The following ORC2 variants were observed in gnomAD, a reference collection of about 807,000 sequenced individuals.
The protein encoded by ORC2 is origin recognition complex protein 2 homolog.
ORC2 carries 37 observed loss-of-function variants against 77.7 expected under a neutral mutation model. The ratio of observed to expected loss-of-function variants is 0.48; its 90% CI spans 0.37 to 0.63. ORC2 has a LOEUF of 0.63. Ranked by LOEUF, ORC2 falls within the 20% of genes least tolerant of loss-of-function variation. The pLI is 0.00. For synonymous variants in ORC2, 201 were observed against 229.5 expected, an observed-to-expected ratio of 0.88 and a Z score of 1.12; for missense variants, 557 against 661.9, an observed-to-expected ratio of 0.84 and a Z score of 1.74.
At chr2:200,926,725 C>A in intron 12 of ORC2, 43 bp downstream of exon 12, 1 of 1,597,160 alleles carries the variant, frequency 6.3e-7, no homozygotes, top group Non-Finnish European at 8.6e-7. Flanking sequence ...CTTGAATTGG[C>A]AGAGGATATA....
In ORC2 at chr2:200,909,382, T is replaced by C. The variant is rs2040515175; in HGVS notation, c.*1919A>G. 6.6e-6 allele frequency: 1 copy of C among 152,170 alleles called. No individual in the cohort carries two copies. The highest frequency in any genetic ancestry group is 1.9e-4 in the East Asian group (1 of 5,196). The allele number at this position is 152,170 out of a possible 1,614,324, so 9.4% of individuals were successfully genotyped here. A position where few individuals can be genotyped will look rare whatever the true frequency, so the allele number is the denominator to read the frequency against. ...TTTAAATCACATTTATGTACAAATT[T>C]GTTTAAACATTTTGACTAGAGGTTA... On this transcript the variant is annotated 3_prime_UTR_variant, in exon 18 of 18. Transcript: ENST00000234296.
intron 5 of ORC2, among the ~76,000 whole-genome samples, chr2:200,946,452 C>T (rs2041251414): frequency 6.6e-6 from 1 of 152,158 alleles, no homozygotes; most frequent in South Asian, 2.1e-4. Context: ...CATAACTAAA[C>T]AAAGATTATA....
chr2:200,950,787 C>T (rs79925773), intron 4 of ORC2, among the ~76,000 whole-genome samples: 1,840 of 152,118 alleles, frequency 0.012, 22 homozygotes, highest in Middle Eastern at 0.024. Flanking sequence ...AAAGTGTGTG[C>T]TCATCCTCCT....
In ORC2 at chr2:200,963,575, TTCGGCCC is replaced by T. The variant is rs1418187242; in HGVS notation, c.-152_-146del. On this transcript the variant is annotated 5_prime_UTR_variant, in exon 1 of 18. Transcript: ENST00000234296. ...GAGTCGCCGCCGCAGGGAAGGTACC[TTCGGCCC>T]CAACGGGAAAAGCCAATTTCCAGTA... The T allele has an allele frequency of 1.5e-5, 6 of 398,440 alleles. No homozygotes were observed. Among genetic ancestry groups the T allele is most frequent in the African/African-American group, 8.2e-5 (4 of 48,644 alleles). 24.7% of individuals were successfully genotyped at this position (398,440 alleles called of 1,614,324 possible).
intron 12 of ORC2, among the ~76,000 whole-genome samples, chr2:200,926,540 A>G (rs979465626): frequency 3.3e-5 from 5 of 152,230 alleles, no homozygotes; most frequent in African/African-American, 9.6e-5. Flanking sequence ...TATAGTAAAC[A>G]AAGCTAACAT....
At chr2:200,918,426 T>C (rs2040695746) in intron 15 of ORC2, among the ~76,000 whole-genome samples, 1 of 150,404 alleles carries the variant, frequency 6.6e-6, no homozygotes, top group Non-Finnish European at 1.5e-5. Flanking sequence ...CATTGCTCTT[T>C]AAAAACAAAA....
At chr2:200,961,103 C>T (rs1057464767) in intron 1 of ORC2, among the ~76,000 whole-genome samples, 7 of 152,204 alleles carry the variant, frequency 4.6e-5, no homozygotes, top group African/African-American at 1.4e-4. Flanking sequence ...CACTCTATTA[C>T]ACCACATACC....
chr2:200,918,679 GGGTTTCAGCATGTTGACCA>G (rs1201147810), intron 15 of ORC2, among the ~76,000 whole-genome samples: 2 of 151,938 alleles, frequency 1.3e-5, no homozygotes, highest in Non-Finnish European at 2.9e-5. Flanking sequence ...AGTAGAGACA[GGGTTTCAGCATGTTGACCA>G]GGATAGTCTC....
intron 15 of ORC2, among the ~76,000 whole-genome samples, chr2:200,919,867 CATATAAAGTACT>C (rs2040726180): frequency 6.6e-6 from 1 of 152,060 alleles, no homozygotes; most frequent in Admixed American, 6.6e-5. Context: ...TGAAGTAATG[CATATAAAGTACT>C]CACTGTTTGG....
At chr2:200,938,127 C>A (rs1014574191) in intron 7 of ORC2, among the ~76,000 whole-genome samples, 161 bp from the exon 8 acceptor site, 3 of 152,156 alleles carry the variant, frequency 2.0e-5, no homozygotes, top group African/African-American at 7.2e-5. Flanking sequence ...CAAATGGGTT[C>A]AAACCATTCT....
intron 14 of ORC2, 81 bp from the exon 15 acceptor site, chr2:200,920,474 G>A (rs1264135257): frequency 2.6e-6 from 3 of 1,147,094 alleles, no homozygotes; most frequent in Non-Finnish European, 3.5e-6. Flanking sequence ...ACAAAAGAAT[G>A]AGAAAGGATT....
rs777569351 is a variant in ORC2, at chr2:200,935,908, T to C, written c.515-16A>G. On this transcript the variant is annotated splice_polypyrimidine_tract_variant and intron_variant, in intron 8 of 17. Coordinates refer to ENST00000234296, the MANE Select transcript of ORC2 (RefSeq NM_006190.5). Reference sequence around the variant, plus strand: ...GACCTTGGAACTGTGGGGGGAAAAATAGCAATTTGGACAATTTCATGGTTT... The same window carrying C: ...GACCTTGGAACTGTGGGGGGAAAAACAGCAATTTGGACAATTTCATGGTTT... The C allele has an allele frequency of 2.1e-5, 34 of 1,605,776 alleles. No homozygotes were observed. The Admixed American group carries it at 2.6e-4, about 12-fold the overall frequency.
chr2:200,950,161 C>A (rs543508836), intron 4 of ORC2, among the ~76,000 whole-genome samples: 1 of 152,192 alleles, frequency 6.6e-6, no homozygotes, highest in South Asian at 2.1e-4. Flanking sequence ...GAAACCTCGT[C>A]TCTACTGAAA....
intron 5 of ORC2, among the ~76,000 whole-genome samples, chr2:200,946,020 T>G (rs567079995): frequency 5.0e-4 from 76 of 152,296 alleles, no homozygotes; most frequent in Non-Finnish European, 9.1e-4. Flanking sequence ...GTACTTCTAC[T>G]TTTGCTCTTT....
At chr2:200,936,895 A>T (rs2041057196) in intron 8 of ORC2, among the ~76,000 whole-genome samples, 2 of 152,212 alleles carry the variant, frequency 1.3e-5, no homozygotes, top group Admixed American at 1.3e-4. Context: ...CCAAAATATG[A>T]GTGAAAAAAC....
At chr2:200,957,312 T>C (rs1255922573) in intron 4 of ORC2, 89 bp downstream of exon 4, 1 of 903,050 alleles carries the variant, frequency 1.1e-6, no homozygotes, top group Non-Finnish European at 1.6e-6. Context: ...AGAACACCAC[T>C]GTTTAACCTA....
rs540145949 is a variant in ORC2, at chr2:200,915,877, T to C, written c.1467-1885A>G. Among the ~76,000 whole-genome samples the C allele has an allele frequency of 3.3e-5, 5 of 152,144 alleles. No homozygotes were observed. In the South Asian group the frequency reaches 1.0e-3, roughly 32 times the overall value. ...CCCAGCTAATTTTTTATATTTTTAG[T>C]AGACACAACGTTTTACCATGTTGGC... On this transcript the variant is annotated intron_variant, in intron 15 of 17. Transcript: ENST00000234296.
chr2:200,958,129 C>T lies in ORC2; in HGVS notation c.-6G>A. 1 of 1,594,842 alleles carries T rather than the reference C, an allele frequency of 6.3e-7. No individual in the cohort carries two copies. Among genetic ancestry groups the T allele is most frequent in the South Asian group, 1.1e-5 (1 of 90,392 alleles). ...TTTAATTCTGGTTTACTCATTGTTG[C>T]CAACCTAAACAAAAACAGTAAGTTA... On this transcript the variant is annotated 5_prime_UTR_variant, in exon 3 of 18. An upstream open reading frame in the 5' UTR gains an earlier in-frame stop. Transcript: ENST00000234296.
chr2:200,935,960 C>A (rs555672708), intron 8 of ORC2, 68 bp from the exon 9 acceptor site: 2 of 1,344,818 alleles, frequency 1.5e-6, no homozygotes, highest in South Asian at 2.7e-5. Flanking sequence ...TGGGGTAAAG[C>A]AAAGAGTGGG....
Sources: allele counts gnomAD v4.1 joint callset (sites outside exome capture counted in the v4.1 genomes callset), GRCh38; gene constraint gnomAD v4.1.1; transcripts MANE v1.5; gene names NCBI Gene and HGNC (gene_info 2026-07-23, HGNC 2026-07-21).